The following DIS3L2 variants were observed in gnomAD, a reference collection of about 807,000 sequenced individuals.
DIS3L2 encodes DIS3-like exonuclease 2.
Under a neutral mutation model 97.5 loss-of-function variants are expected in DIS3L2, and 34 were observed. That is an observed-to-expected ratio of 0.35 (90% CI 0.27 to 0.46). The LOEUF is 0.46. Ranked by LOEUF, DIS3L2 falls within the 20% of genes least tolerant of loss-of-function variation. DIS3L2 has a pLI of 1.00. For missense variants in DIS3L2, 1,038 were observed against 1,146.0 expected, an observed-to-expected ratio of 0.91 and a Z score of 1.36; for synonymous variants, 435 against 445.2, an observed-to-expected ratio of 0.98 and a Z score of 0.29.
chr2:232,136,988 G>A (rs1436144759), intron 8 of DIS3L2, among the ~76,000 whole-genome samples: 1 of 152,062 alleles, frequency 6.6e-6, no homozygotes, highest in African/African-American at 2.4e-5. Flanking sequence ...ATTTAGTTAT[G>A]TCATGTGTCC....
intron 13 of DIS3L2, among the ~76,000 whole-genome samples, chr2:232,273,460 C>T (rs954197073): frequency 1.3e-5 from 2 of 152,084 alleles, no homozygotes; most frequent in East Asian, 1.9e-4. Flanking sequence ...AGAAGAGAGG[C>T]GTGTTTATAT....
At chr2:232,149,565 T>A (rs371904304) in intron 8 of DIS3L2, among the ~76,000 whole-genome samples, 2 of 147,578 alleles carry the variant, frequency 1.4e-5, no homozygotes, top group African/African-American at 2.6e-5. Context: ...CATGGTGTAT[T>A]TGTGCCACAT....
At chr2:232,042,255 G>C (rs890805421) in intron 5 of DIS3L2, among the ~76,000 whole-genome samples, 11 of 152,082 alleles carry the variant, frequency 7.2e-5, no homozygotes, top group Admixed American at 6.6e-4. Flanking sequence ...GTACAGTAAA[G>C]TGTTTCCTTT....
intron 14 of DIS3L2, 24 bp from the exon 15 acceptor site, chr2:232,329,789 T>TGCCCCCCC: frequency 2.7e-6 from 1 of 368,622 alleles, no homozygotes; most frequent in East Asian, 7.6e-5. Flanking sequence ...CAGCGGTCCC[T>TGCCCCCCC]CCCATCCCAC....
At chr2:232,087,393 C>G in intron 5 of DIS3L2, 94 bp from the exon 6 acceptor site, 1 of 896,858 alleles carries the variant, frequency 1.1e-6, no homozygotes, top group Non-Finnish European at 1.7e-6. Flanking sequence ...CCGTTAGCTT[C>G]TGAATATGCA....
At chr2:232,333,296 A>G (rs1267733959) in intron 16 of DIS3L2, among the ~76,000 whole-genome samples, 5 of 135,618 alleles carry the variant, frequency 3.7e-5, no homozygotes, top group Middle Eastern at 3.8e-3. Flanking sequence ...CACCTCTGCC[A>G]TCGCCACCTC....
At chr2:232,302,467 ATTAGAGTCAGTC>A (rs1446316512) in intron 14 of DIS3L2, among the ~76,000 whole-genome samples, 4 of 151,288 alleles carry the variant, frequency 2.6e-5, no homozygotes, top group Non-Finnish European at 4.4e-5. Context: ...TCTTGCTTGT[ATTAGAGTCAGTC>A]TTAGGGTTCA....
At chr2:232,218,404 G>A (rs1230707692) in intron 10 of DIS3L2, among the ~76,000 whole-genome samples, 2 of 152,196 alleles carry the variant, frequency 1.3e-5, no homozygotes, top group African/African-American at 4.8e-5. Flanking sequence ...TTTTTCTTCA[G>A]TAATTCTCAG....
intron 5 of DIS3L2, among the ~76,000 whole-genome samples, chr2:232,035,186 A>G (rs1218366822): frequency 6.6e-6 from 1 of 152,136 alleles, no homozygotes. Flanking sequence ...GTGCTCCTGT[A>G]TTGGGTGCAT....
chr2:232,342,186 T>TACA (rs1301817198), downstream of DIS3L2, among the ~76,000 whole-genome samples: 9 of 148,586 alleles, frequency 6.1e-5, no homozygotes, highest in African/African-American at 2.3e-4. Flanking sequence ...TATACACGTA[T>TACA]ACATATATAC....
At chr2:232,130,853 G>A (rs1698196993) in intron 7 of DIS3L2, 134 bp downstream of exon 7, 3 of 1,251,976 alleles carry the variant, frequency 2.4e-6, no homozygotes, top group South Asian at 4.8e-5. Flanking sequence ...ATCATAAAAA[G>A]TGAATTAAAA....
At chr2:232,209,664 G>T (rs1019558042) in intron 9 of DIS3L2, among the ~76,000 whole-genome samples, 1 of 152,192 alleles carries the variant, frequency 6.6e-6, no homozygotes, top group African/African-American at 2.4e-5. Context: ...TGTTTACATG[G>T]TGGGAATGGG....
At chr2:232,108,958 A>G (rs1260923423) in intron 6 of DIS3L2, among the ~76,000 whole-genome samples, 1 of 152,262 alleles carries the variant, frequency 6.6e-6, no homozygotes, top group African/African-American at 2.4e-5. Context: ...GGAAGAATCA[A>G]TATTGTGAAA....
rs139867329 is a variant in DIS3L2, at chr2:232,262,637, T to C, written c.1426-570T>C. Among the ~76,000 whole-genome samples the C allele has an allele frequency of 5.1e-3, 781 of 152,348 alleles. 12 individuals carry two copies. The highest frequency in any genetic ancestry group is 0.018 in the African/African-American group (743 of 41,584). The stretch of plus-strand genomic sequence containing the variant: ...CAGCCCCCTGGCCAACAAGGAATTA[T>C]TCAGCCCAACAGTGCCAAGATTGAG... On this transcript the variant is annotated intron_variant, in intron 12 of 20. Transcript: ENST00000325385.
chr2:232,270,770 A>G (rs530825455), intron 13 of DIS3L2, among the ~76,000 whole-genome samples: 3 of 152,032 alleles, frequency 2.0e-5, no homozygotes, highest in African/African-American at 7.2e-5. Flanking sequence ...CTTCAGTAGT[A>G]TGTGAATCAG....
intron 6 of DIS3L2, among the ~76,000 whole-genome samples, chr2:232,114,519 A>G (rs528870246): frequency 3.3e-5 from 5 of 152,210 alleles, no homozygotes; most frequent in Non-Finnish European, 5.9e-5. Context: ...CATAGGGGAC[A>G]TTCAGGTTAT....
At position 232,087,698 on chromosome 2, in the gene DIS3L2, T is replaced by G; in HGVS notation, c.578T>G (p.Leu193Arg). Residue 193 changes from leucine to arginine, a missense_variant, in exon 6 of 21, where the codon CTC (leucine) becomes CGC (arginine). Physicochemically the swap from Leu to Arg is moderately radical, Grantham distance 102 (BLOSUM62 -2). Transcript: ENST00000325385. ...QNVLVDGVKKLSVCVSEKGRE... is the reference protein window; with the variant it reads ...QNVLVDGVKKRSVCVSEKGRE... ...GTGCTGGTTGATGGTGTTAAGAAAC[T>G]CTCAGTTTGTGTTTCTGAGAAAGGT... is the stretch of plus-strand genomic sequence containing the variant. The G allele has an allele frequency of 6.2e-7, 1 of 1,614,076 alleles. No individual in the cohort carries two copies.
chr2:232,159,226 CAAG>C (rs1690582143), intron 8 of DIS3L2, among the ~76,000 whole-genome samples: 1 of 152,194 alleles, frequency 6.6e-6, no homozygotes, highest in African/African-American at 2.4e-5. Flanking sequence ...AAGCCAAGAA[CAAG>C]AAGCCCAACC....
chr2:232,010,676 T>C (rs959235915), intron 1 of DIS3L2, among the ~76,000 whole-genome samples: 4 of 152,218 alleles, frequency 2.6e-5, no homozygotes, highest in African/African-American at 4.8e-5. Flanking sequence ...TTTGCTCTGA[T>C]ACTCGTAAGT....
Sources: allele counts gnomAD v4.1 joint callset (sites outside exome capture counted in the v4.1 genomes callset), GRCh38; gene constraint gnomAD v4.1.1; transcripts MANE v1.5; gene names NCBI Gene and HGNC (gene_info 2026-07-23, HGNC 2026-07-21).